The following NIM1K variants were observed in gnomAD, a reference collection of about 807,000 sequenced individuals.
NIM1K encodes the protein NIM1 serine/threonine protein kinase, also known as serine/threonine-protein kinase NIM1.
Under a neutral mutation model 37.1 loss-of-function variants are expected in NIM1K, and 35 were observed. The ratio of observed to expected loss-of-function variants is 0.94; its 90% CI spans 0.72 to 1.25. The LOEUF is 1.25. Among genes scored for constraint, NIM1K ranks in the 50% most tolerant of loss-of-function variants. NIM1K has a pLI of 0.00. For synonymous variants in NIM1K, 234 were observed against 206.6 expected (o/e 1.13, Z -1.14); for missense variants, 564 against 548.0 (o/e 1.03, Z -0.29).
intron 1 of NIM1K, among the ~76,000 whole-genome samples, chr5:43,242,203 C>T (rs1490492743): frequency 2.6e-5 from 4 of 151,922 alleles, no homozygotes; most frequent in Non-Finnish European, 4.4e-5. Context: ...TACCTGTGCC[C>T]TCCCTCTCTG....
At chr5:43,222,729 C>T (rs1579964228) in intron 1 of NIM1K, among the ~76,000 whole-genome samples, 1 of 151,136 alleles carries the variant, frequency 6.6e-6, no homozygotes, top group Non-Finnish European at 1.5e-5. Flanking sequence ...GTGAGCCTGT[C>T]CCTTAAAAAA....
intron 1 of NIM1K, among the ~76,000 whole-genome samples, chr5:43,198,709 C>G (rs1216053759): frequency 6.6e-6 from 1 of 152,122 alleles, no homozygotes; most frequent in Non-Finnish European, 1.5e-5. Flanking sequence ...GTGAAGAAGC[C>G]TCATCTGTTT....
rs537064361 is a variant in NIM1K, at chr5:43,280,494, G to T, written c.1076G>T (p.Ser359Ile). The T allele has an allele frequency of 9.9e-6, 16 of 1,614,050 alleles. No individual in the cohort carries two copies. Among genetic ancestry groups the T allele is most frequent in the Non-Finnish European group, 1.4e-5 (16 of 1,180,032 alleles). ...TLKEEENEVKSTLEHLGITEE... is the reference protein window; with the variant it reads ...TLKEEENEVKITLEHLGITEE... ...AAGGAAGAAGAAAATGAGGTCAAAA[G>T]CACTTTAGAACATTTGGGCATTACA... The change falls in exon 4 of 4, where the codon AGC becomes ATC. Residue 359 changes from serine to isoleucine, a missense_variant. Coordinates refer to ENST00000326035, the MANE Select transcript of NIM1K (RefSeq NM_153361.4).
intron 2 of NIM1K, among the ~76,000 whole-genome samples, chr5:43,260,218 T>C (rs1753007010): frequency 6.6e-6 from 1 of 152,234 alleles, no homozygotes; most frequent in African/African-American, 2.4e-5. Context: ...TGTCCTTTAT[T>C]TCTTTCTCTT....
intron 1 of NIM1K, chr5:43,206,858 C>T: frequency 1.3e-6 from 1 of 768,292 alleles, no homozygotes; most frequent in South Asian, 1.3e-5. Flanking sequence ...TAGCAACATG[C>T]ACAAACAAGA....
intron 1 of NIM1K, among the ~76,000 whole-genome samples, chr5:43,217,555 T>A (rs944548803): frequency 1.8e-4 from 28 of 152,096 alleles, no homozygotes; most frequent in Non-Finnish European, 3.2e-4. Context: ...CAACACTTGT[T>A]ACTAATTATC....
intron 2 of NIM1K, among the ~76,000 whole-genome samples, chr5:43,266,286 G>C (rs1753154907): frequency 6.6e-6 from 1 of 152,208 alleles, no homozygotes; most frequent in Admixed American, 6.5e-5. Flanking sequence ...GAGCTTCCCA[G>C]CTGCTTTGTT....
Position 43,238,301 on chromosome 5 carries a change from C to T in NIM1K, c.-694-6781C>T, listed in dbSNP as rs188828787. Among the ~76,000 whole-genome samples, 258 of 152,056 alleles carry T rather than the reference C, an allele frequency of 1.7e-3. 3 individuals are homozygous for T. The highest frequency in any genetic ancestry group is 5.9e-3 in the African/African-American group (246 of 41,356). On this transcript the variant is annotated intron_variant, in intron 1 of 3. Coordinates refer to ENST00000326035, the MANE Select transcript of NIM1K (RefSeq NM_153361.4). ...TTGTGATCTGCCCGCCTTCAGCCTC[C>T]CAAAGTGCTGGGATTACAGGCGTGA...
At chr5:43,238,342 C>A (rs941713275) in intron 1 of NIM1K, among the ~76,000 whole-genome samples, 1 of 151,946 alleles carries the variant, frequency 6.6e-6, no homozygotes, top group East Asian at 1.9e-4. Context: ...TGCGCCCGGC[C>A]AATTTAATTC....
chr5:43,262,101 T>A (rs1225405980), intron 2 of NIM1K, among the ~76,000 whole-genome samples: 1 of 152,232 alleles, frequency 6.6e-6, no homozygotes, highest in Non-Finnish European at 1.5e-5. Context: ...GGCTCTTTTT[T>A]GGTTCCATAT....
chr5:43,211,595 G>A (rs2112217269), intron 1 of NIM1K, among the ~76,000 whole-genome samples: 1 of 152,216 alleles, frequency 6.6e-6, no homozygotes, highest in East Asian at 1.9e-4. Flanking sequence ...CAGGATGTTT[G>A]TGAGACCTCA....
At chr5:43,247,802 A>G (rs1457927983) in intron 2 of NIM1K, among the ~76,000 whole-genome samples, 5 of 152,238 alleles carry the variant, frequency 3.3e-5, no homozygotes, top group African/African-American at 1.2e-4. Flanking sequence ...TTTAAAATCA[A>G]TTATGAGGTA....
intron 1 of NIM1K, among the ~76,000 whole-genome samples, chr5:43,227,632 A>G (rs1752478992): frequency 6.6e-6 from 1 of 152,136 alleles, no homozygotes; most frequent in Non-Finnish European, 1.5e-5. Context: ...AGGTTGTCTG[A>G]GGGGAGAAAG....
chr5:43,207,459 C>T (rs919260602), intron 1 of NIM1K: 31 of 769,054 alleles, frequency 4.0e-5, no homozygotes, highest in African/African-American at 8.5e-5. Flanking sequence ...GACTGTATTC[C>T]GGTACTGAAG....
intron 2 of NIM1K, among the ~76,000 whole-genome samples, chr5:43,248,481 T>C (rs1169436919): frequency 6.6e-6 from 1 of 152,018 alleles, no homozygotes; most frequent in Admixed American, 6.6e-5. Context: ...GGTTCAGCCA[T>C]AGGGAAGAAT....
At chr5:43,194,004 A>G (rs914095630) in intron 1 of NIM1K, among the ~76,000 whole-genome samples, 2 of 152,084 alleles carry the variant, frequency 1.3e-5, no homozygotes, top group African/African-American at 2.4e-5. Flanking sequence ...TTATTTTTTC[A>G]GAGTTTGCAG....
chr5:43,197,335 G>A (rs1010602276), intron 1 of NIM1K, among the ~76,000 whole-genome samples: 4 of 146,638 alleles, frequency 2.7e-5, no homozygotes, highest in African/African-American at 7.6e-5. Flanking sequence ...TAGGGGGGGC[G>A]GGCCTCTCTA....
At chr5:43,233,657 G>T (rs773420493) in intron 1 of NIM1K, among the ~76,000 whole-genome samples, 5 of 152,194 alleles carry the variant, frequency 3.3e-5, no homozygotes, top group Non-Finnish European at 7.3e-5. Context: ...AGTGTTCTCT[G>T]CTTCTTAGTG....
chr5:43,211,540 C>T (rs1055231735), intron 1 of NIM1K, among the ~76,000 whole-genome samples: 12 of 152,146 alleles, frequency 7.9e-5, no homozygotes, highest in African/African-American at 1.4e-4. Flanking sequence ...TTCAGTTCAG[C>T]ATGTCAATAT....
Sources: gnomAD v4.1 joint callset for allele counts (sites outside exome capture counted in the v4.1 genomes callset) on GRCh38, gnomAD v4.1.1 for gene constraint, MANE v1.5 for transcripts, NCBI Gene and HGNC (gene_info 2026-07-23, HGNC 2026-07-21) for gene names.